The following SDK1 variants were observed in gnomAD, a reference collection of about 807,000 sequenced individuals.
SDK1 encodes the protein protein sidekick-1.
A neutral mutation model predicts 245.5 loss-of-function variants in SDK1; 157 were observed. That is an observed-to-expected ratio of 0.64 (90% CI 0.56 to 0.73). The LOEUF is 0.73. SDK1 is among the 30% of genes least tolerant of loss of function. SDK1 has a pLI of 0.00. For missense variants in SDK1, 3,583 were observed against 3,002.3 expected, an observed-to-expected ratio of 1.19 and a Z score of -4.52; for synonymous variants, 1,647 against 1,278.5, an observed-to-expected ratio of 1.29 and a Z score of -6.15.
At chr7:3,645,215 G>C (rs1236972411) in intron 4 of SDK1, among the ~76,000 whole-genome samples, 2 of 152,176 alleles carry the variant, frequency 1.3e-5, no homozygotes, top group African/African-American at 4.8e-5. Context: ...AAGTAAAGAT[G>C]CTAGAAGGGC....
chr7:4,066,285 A>G (rs1168604960), intron 19 of SDK1, among the ~76,000 whole-genome samples: 2 of 151,776 alleles, frequency 1.3e-5, no homozygotes, highest in African/African-American at 2.4e-5. Flanking sequence ...AGGGCTCTCA[A>G]TGGCAGGCGG....
rs572199465 is a variant in SDK1, at chr7:4,139,788, C to T, written c.4229-5934C>T. 6.6e-5 allele frequency among the ~76,000 whole-genome samples: 10 copies of T among 151,954 alleles called. No homozygotes were observed. In the South Asian group the frequency reaches 1.7e-3, roughly 25 times the overall value. The stretch of plus-strand genomic sequence containing the variant: ...TCTTGAAAAGCTGAAGCCCCAGGAG[C>T]GCTATGGGACTGAGGGGCTGAGAGC... On this transcript the variant is annotated intron_variant, in intron 28 of 44. Transcript: ENST00000404826.
intron 4 of SDK1, among the ~76,000 whole-genome samples, chr7:3,689,272 T>C: frequency 6.6e-6 from 1 of 152,174 alleles, no homozygotes; most frequent in Non-Finnish European, 1.5e-5. Context: ...GATTCACCTC[T>C]CCCACAAAGA....
intron 1 of SDK1, among the ~76,000 whole-genome samples, chr7:3,317,576 C>T (rs1038370743): frequency 3.1e-5 from 1 of 32,432 alleles, no homozygotes. Flanking sequence ...ATTCCTCTCT[C>T]CATTCATTGA....
chr7:3,349,564 G>T (rs573347749), intron 1 of SDK1, among the ~76,000 whole-genome samples: 29 of 152,288 alleles, frequency 1.9e-4, no homozygotes, highest in Non-Finnish European at 3.2e-4. Context: ...AGGAAACTGT[G>T]GAAGTCATAC....
intron 13 of SDK1, among the ~76,000 whole-genome samples, chr7:3,981,071 T>C (rs980677170): frequency 2.0e-5 from 3 of 152,184 alleles, no homozygotes; most frequent in Non-Finnish European, 2.9e-5. Context: ...AGCAACCCTG[T>C]GTTAAGTAAG....
At chr7:3,856,100 G>A (rs545417598) in intron 5 of SDK1, among the ~76,000 whole-genome samples, 2 of 152,296 alleles carry the variant, frequency 1.3e-5, no homozygotes, top group South Asian at 4.1e-4. Flanking sequence ...GGAGAAGAGA[G>A]ATGTGGAGTA....
At chr7:4,070,014 C>G (rs910274337) in intron 20 of SDK1, among the ~76,000 whole-genome samples, 1 of 152,190 alleles carries the variant, frequency 6.6e-6, no homozygotes, top group African/African-American at 2.4e-5. Flanking sequence ...CCACAGTCCT[C>G]TTAGCATCTC....
intron 1 of SDK1, among the ~76,000 whole-genome samples, chr7:3,303,019 T>C (rs1172379858): frequency 1.3e-5 from 2 of 151,712 alleles, no homozygotes; most frequent in Admixed American, 1.3e-4. Flanking sequence ...CTCATACTTT[T>C]TTTTATTGAT....
intron 1 of SDK1, among the ~76,000 whole-genome samples, chr7:3,587,327 G>A (rs1780723605): frequency 7.0e-6 from 1 of 143,120 alleles, no homozygotes; most frequent in Admixed American, 7.1e-5. Flanking sequence ...GTGTGTGTGT[G>A]TCTAAAGAGA....
intron 4 of SDK1, among the ~76,000 whole-genome samples, chr7:3,775,763 A>G (rs1780538869): frequency 6.6e-6 from 1 of 151,808 alleles, no homozygotes; most frequent in Non-Finnish European, 1.5e-5. Context: ...TTTTTAGTAG[A>G]GACGGGGTTT....
chr7:3,319,369 G>A (rs1779737742), intron 1 of SDK1, among the ~76,000 whole-genome samples: 1 of 152,162 alleles, frequency 6.6e-6, no homozygotes, highest in African/African-American at 2.4e-5. Context: ...GTAAGGGGTT[G>A]AGTGCCTGTA....
intron 1 of SDK1, among the ~76,000 whole-genome samples, chr7:3,380,342 T>G (rs886524448): frequency 1.3e-5 from 2 of 152,222 alleles, no homozygotes; most frequent in Non-Finnish European, 2.9e-5. Flanking sequence ...ATAATGTAAT[T>G]GTTTTAACGT....
intron 1 of SDK1, among the ~76,000 whole-genome samples, chr7:3,445,225 C>T (rs1237366653): frequency 3.9e-5 from 6 of 152,126 alleles, no homozygotes; most frequent in Non-Finnish European, 7.3e-5. Context: ...CACATTTTAA[C>T]ACTTGGGTTT....
At chr7:3,509,455 G>A (rs1782504740) in intron 1 of SDK1, among the ~76,000 whole-genome samples, 1 of 152,144 alleles carries the variant, frequency 6.6e-6, no homozygotes, top group Non-Finnish European at 1.5e-5. Context: ...TAGAGGTAAT[G>A]TCTGTAAAGC....
intron 26 of SDK1, 124 bp from the exon 27 acceptor site, chr7:4,129,784 G>A: frequency 6.6e-7 from 1 of 1,522,192 alleles, no homozygotes; most frequent in African/African-American, 1.4e-5. Context: ...CCTGCACACA[G>A]CCATCCTCAG....
rs142640222 is a variant in SDK1 at position 4,079,545 on chromosome 7, C to G, written c.3285C>G (p.Asp1095Glu). ...CCCTTCAGTTCCGGCCAGGCTATGA[C>G]GGGAAAACGTCCATCTCCAGGTGGA... ...SATLQFRPGY[D>E]GKTSISRWIV... The change falls in exon 22 of 45, where the codon GAC becomes GAG. Residue 1095 changes from aspartate to glutamate, a missense_variant. Coordinates refer to ENST00000404826, the MANE Select transcript of SDK1 (RefSeq NM_152744.4). The G allele has an allele frequency of 6.2e-7, 1 of 1,614,184 alleles. No individual in the cohort carries two copies. Among genetic ancestry groups the G allele is most frequent in the South Asian group, 1.1e-5 (1 of 91,082 alleles).
Position 4,002,034 on chromosome 7 carries a change from A to C in SDK1, c.2132-8932A>C, listed in dbSNP as rs76420377. On this transcript the variant is annotated intron_variant, in intron 14 of 44. Transcript: ENST00000404826. The stretch of plus-strand genomic sequence containing the variant: ...AGTCTGTTCTACAAATGTATTTACC[A>C]GCTTAAGCTTGGAATTCTACAGTGC... Among the ~76,000 whole-genome samples, 2,232 of 152,372 alleles carry C rather than the reference A, an allele frequency of 0.015. 211 individuals carry two copies. In the East Asian group the frequency reaches 0.26, roughly 17 times the overall value.
rs200942027 is a variant in SDK1 at position 3,615,879 on chromosome 7, C to CTT, written c.299-3189_299-3188dup. Among the ~76,000 whole-genome samples the CTT allele has an allele frequency of 2.7e-4, 37 of 138,522 alleles. No homozygotes were observed. In the East Asian group the frequency reaches 4.4e-3, roughly 16 times the overall value. 90.9% of individuals were successfully genotyped at this position (138,522 alleles called of 152,430 possible). ...AACCTCTTCAAAGGCTTTTTGCTGT[C>CTT]TTTTTTTTTTTTTCTGAGACAGGGT... On this transcript the variant is annotated intron_variant, in intron 1 of 44. Coordinates refer to ENST00000404826, the MANE Select transcript of SDK1 (RefSeq NM_152744.4).
Sources: allele counts gnomAD v4.1 joint callset (sites outside exome capture counted in the v4.1 genomes callset), GRCh38; gene constraint gnomAD v4.1.1; transcripts MANE v1.5; gene names NCBI Gene and HGNC (gene_info 2026-07-23, HGNC 2026-07-21).